The following LRRN2 variants were observed in gnomAD, a reference collection of about 807,000 sequenced individuals.
LRRN2 encodes leucine rich repeat neuronal 2, also known as leucine-rich repeat neuronal protein 2.
Under a neutral mutation model 35.7 loss-of-function variants are expected in LRRN2, and 10 were observed. The observed-to-expected ratio is 0.28, with a 90% CI of 0.17 to 0.47. The LOEUF (loss-of-function observed/expected upper bound fraction) is 0.47. LRRN2 is among the 20% of genes least tolerant of loss of function. The pLI is 0.99. For synonymous variants in LRRN2, 391 were observed against 409.6 expected (o/e 0.95, Z 0.55); for missense variants, 731 against 940.3 (o/e 0.78, Z 2.91).
At chr1:204,641,857 A>T (rs1489337636) in intron 1 of LRRN2, among the ~76,000 whole-genome samples, 3 of 152,286 alleles carry the variant, frequency 2.0e-5, no homozygotes, top group Admixed American at 1.3e-4. Context: ...ACATGGCTCT[A>T]CTATAGCTCA....
chr1:204,658,401 A>T (rs567481970), intron 1 of LRRN2, among the ~76,000 whole-genome samples: 1 of 152,324 alleles, frequency 6.6e-6, no homozygotes, highest in African/African-American at 2.4e-5. Context: ...AATGACCAAA[A>T]GGCTTCCCCA....
intron 1 of LRRN2, among the ~76,000 whole-genome samples, chr1:204,637,513 A>G (rs143386910): frequency 0.011 from 1,642 of 152,364 alleles, 24 homozygotes; most frequent in African/African-American, 0.028. Flanking sequence ...TCCACTGTCC[A>G]CAGCCAGACC....
At chr1:204,662,317 G>T (rs116311534) in intron 1 of LRRN2, among the ~76,000 whole-genome samples, 2,029 of 152,310 alleles carry the variant, frequency 0.013, 51 homozygotes, top group African/African-American at 0.043. Flanking sequence ...CATACAGGGA[G>T]TGGGAAAAGG....
intron 1 of LRRN2, among the ~76,000 whole-genome samples, chr1:204,667,516 T>G (rs1368721089): frequency 6.6e-6 from 1 of 152,210 alleles, no homozygotes; most frequent in Non-Finnish European, 1.5e-5. Context: ...GTGATTTTAT[T>G]ACTACTACAT....
chr1:204,677,612 G>A (rs1392482444), intron 1 of LRRN2, among the ~76,000 whole-genome samples: 1 of 152,182 alleles, frequency 6.6e-6, no homozygotes, highest in African/African-American at 2.4e-5. Context: ...CTGCAGCCTG[G>A]GTAGATACAT....
At chr1:204,644,826 G>A (rs1388648128) in intron 1 of LRRN2, among the ~76,000 whole-genome samples, 3 of 152,198 alleles carry the variant, frequency 2.0e-5, no homozygotes, top group Non-Finnish European at 4.4e-5. Context: ...GGTTCCCAGG[G>A]CTAGCAGTGG....
chr1:204,677,133 G>A (rs10900420), intron 1 of LRRN2, among the ~76,000 whole-genome samples: 27,760 of 152,188 alleles, frequency 0.18, 2,836 homozygotes, highest in East Asian at 0.37. Flanking sequence ...ACTGAGGCTC[G>A]GAAAGGTTAA....
chr1:204,678,493 C>T (rs1668872487), intron 1 of LRRN2, among the ~76,000 whole-genome samples: 2 of 152,194 alleles, frequency 1.3e-5, no homozygotes, highest in Non-Finnish European at 2.9e-5. Context: ...TCCAACCCTG[C>T]AAGAGCCCAT....
chr1:204,675,734 T>C (rs1668811599), intron 1 of LRRN2, among the ~76,000 whole-genome samples: 1 of 152,244 alleles, frequency 6.6e-6, no homozygotes, highest in South Asian at 2.1e-4. Flanking sequence ...GATTAGTATA[T>C]GGACATCTTA....
At chr1:204,665,822 C>G (rs1036066768) in intron 1 of LRRN2, among the ~76,000 whole-genome samples, 1 of 152,216 alleles carries the variant, frequency 6.6e-6, no homozygotes, top group Non-Finnish European at 1.5e-5. Flanking sequence ...CTTCCAACAG[C>G]TCCACAAATC....
At chr1:204,659,890 G>T (rs1351408953) in intron 1 of LRRN2, among the ~76,000 whole-genome samples, 1 of 152,156 alleles carries the variant, frequency 6.6e-6, no homozygotes, top group Non-Finnish European at 1.5e-5. Context: ...TAGTAGATAA[G>T]ACAGAGACCC....
intron 1 of LRRN2, among the ~76,000 whole-genome samples, chr1:204,668,980 C>T (rs1021231117): frequency 6.6e-6 from 1 of 152,164 alleles, no homozygotes; most frequent in Non-Finnish European, 1.5e-5. Context: ...CTGGCCACTA[C>T]ACCTGGCTAA....
rs72753850 is a variant in LRRN2 at position 204,619,929 on chromosome 1, C to G, written c.64G>C (p.Val22Leu). ...WVAGATAAVP[V>L]VPWHVPCPPQ... ...GGGCAGGGAACATGCCAGGGTACCA[C>G]GGGCACAGCGGCAGTGGCACCAGCC... Residue 22 changes from valine to leucine, a missense_variant, in exon 2 of 2, where the codon GTG becomes CTG. This residue lies in a region of LRRN2 where 246 missense variants were observed against 289.5 expected (regional missense o/e 0.85). Transcript: ENST00000367177. The G allele has an allele frequency of 6.2e-7, 1 of 1,613,524 alleles. No homozygotes were observed. Among genetic ancestry groups the G allele is most frequent in the South Asian group, 1.1e-5 (1 of 91,008 alleles).
chr1:204,640,176 T>C (rs1276163865), intron 1 of LRRN2, among the ~76,000 whole-genome samples: 2 of 152,180 alleles, frequency 1.3e-5, no homozygotes, highest in Non-Finnish European at 2.9e-5. Context: ...ATTTGGTGTC[T>C]GGTGAAGGCC....
intron 1 of LRRN2, among the ~76,000 whole-genome samples, chr1:204,681,595 C>T (rs566064668): frequency 1.8e-4 from 27 of 152,286 alleles, no homozygotes; most frequent in African/African-American, 6.5e-4. Flanking sequence ...CGGTGAACTC[C>T]TTGAAGGCAG....
intron 1 of LRRN2, among the ~76,000 whole-genome samples, chr1:204,671,620 G>A (rs1668713919): frequency 7.4e-6 from 1 of 134,346 alleles, no homozygotes; most frequent in Non-Finnish European, 1.5e-5. Context: ...GAGAAGGGAA[G>A]GCAGAGGAAG....
intron 1 of LRRN2, among the ~76,000 whole-genome samples, chr1:204,655,288 T>C (rs1668323456): frequency 6.6e-6 from 1 of 150,460 alleles, no homozygotes; most frequent in South Asian, 2.1e-4. Flanking sequence ...ATTTGGTGGG[T>C]TTTGTTTTTG....
intron 1 of LRRN2, among the ~76,000 whole-genome samples, chr1:204,666,456 A>G (rs1668575798): frequency 6.6e-6 from 1 of 152,220 alleles, no homozygotes; most frequent in African/African-American, 2.4e-5. Context: ...ATTGCTAAAC[A>G]TTTATTAAGT....
At chr1:204,659,729 T>C (rs1668431986) in intron 1 of LRRN2, among the ~76,000 whole-genome samples, 1 of 152,198 alleles carries the variant, frequency 6.6e-6, no homozygotes, top group African/African-American at 2.4e-5. Flanking sequence ...AATGAGTTAC[T>C]ATGTGTGAAG....
Sources: gnomAD v4.1 joint callset for allele counts (sites outside exome capture counted in the v4.1 genomes callset) on GRCh38, gnomAD v4.1.1 for gene constraint, gnomAD v4.1.1 regional missense constraint, MANE v1.5 for transcripts, NCBI Gene and HGNC (gene_info 2026-07-23, HGNC 2026-07-21) for gene names.